PBK: variants seen among roughly 807,000 people sequenced by gnomAD.
PBK encodes the protein lymphokine-activated killer T-cell-originated protein kinase.
Under a neutral mutation model 33.5 loss-of-function variants are expected in PBK, and 22 were observed. That is an observed-to-expected ratio of 0.66 (90% CI 0.47 to 0.94). The LOEUF is 0.94. Among genes scored for constraint, PBK ranks in the 40% least tolerant of loss-of-function variants. PBK has a pLI of 0.00. For synonymous variants in PBK, 129 were observed against 123.8 expected, an observed-to-expected ratio of 1.04 and a Z score of -0.28; for missense variants, 376 against 383.4, an observed-to-expected ratio of 0.98 and a Z score of 0.16.
intron 6 of PBK, among the ~76,000 whole-genome samples, chr8:27,814,016 C>T (rs554593971): frequency 3.3e-5 from 5 of 152,122 alleles, no homozygotes; most frequent in East Asian, 3.9e-4. Flanking sequence ...ACATCAGGAC[C>T]GATAGGATGT....
In PBK at chr8:27,834,317, G is replaced by A. The variant is rs573289391; in HGVS notation, c.-20-1184C>T. Among the ~76,000 whole-genome samples, 85 of 152,114 alleles carry A rather than the reference G, an allele frequency of 5.6e-4. 1 individual carries two copies. The South Asian group carries it at 0.016, about 28-fold the overall frequency. On this transcript the variant is annotated intron_variant, in intron 1 of 7. Transcript: ENST00000301905. ...GCTGGGATTACAGGCATAAGCCACC[G>A]TGCCCGTCCAATGATCCCATTTTTA...
At position 27,809,887 on chromosome 8, in the gene PBK, CAA is replaced by C; in HGVS notation, c.*416_*417del. 1 of 156,892 alleles carries C rather than the reference CAA, an allele frequency of 6.4e-6. No individual in the cohort carries two copies. Among genetic ancestry groups the C allele is most frequent in the African/African-American group, 2.4e-5 (1 of 41,592 alleles). The allele number at this position is 156,892 out of a possible 1,614,324, so 9.7% of individuals were successfully genotyped here. On this transcript the variant is annotated 3_prime_UTR_variant, in exon 8 of 8. Transcript: ENST00000301905. ...AGTTATCATTTGATAAACACATCAGCAAAAGGTTCAGTGTTTTAAACAAATGT... is the reference window on the plus strand; with the variant it reads ...AGTTATCATTTGATAAACACATCAGCAAGGTTCAGTGTTTTAAACAAATGT...
rs1472492625 is a variant in PBK, at chr8:27,822,453, G to GA, written c.330dup (p.Leu111SerfsTer10). ...CCTCCATATTCCATAGCAAGACACAGACTGCCATCATTGGCTTCAGTAAAA... is the reference window on the plus strand; with the variant it reads ...CCTCCATATTCCATAGCAAGACACAGAACTGCCATCATTGGCTTCAGTAAAA... On this transcript the variant is annotated frameshift_variant, in exon 5 of 8. Transcript: ENST00000301905. LOFTEE classifies it high-confidence loss of function. 1.2e-6 allele frequency: 2 copies of GA among 1,610,132 alleles called. No homozygotes were observed. The highest frequency in any genetic ancestry group is 1.7e-5 in the Admixed American group (1 of 59,444).
At chr8:27,829,986 T>C (rs758936150) in intron 2 of PBK, among the ~76,000 whole-genome samples, 50 of 151,504 alleles carry the variant, frequency 3.3e-4, no homozygotes, top group Non-Finnish European at 6.0e-4. Context: ...GTGGATCACT[T>C]GAGGCCAGGA....
chr8:27,823,709 A>T (rs566374842), intron 3 of PBK, among the ~76,000 whole-genome samples: 11 of 152,196 alleles, frequency 7.2e-5, no homozygotes, highest in Middle Eastern at 3.4e-3. Flanking sequence ...CTTTTACCAC[A>T]TGCTCAAAGA....
At chr8:27,814,671 G>A (rs1805777283) in intron 6 of PBK, among the ~76,000 whole-genome samples, 1 of 152,032 alleles carries the variant, frequency 6.6e-6, no homozygotes, top group African/African-American at 2.4e-5. Context: ...CCCTGCTTTA[G>A]CTATTGCTTG....
At chr8:27,824,955 A>G (rs1293277254) in intron 3 of PBK, among the ~76,000 whole-genome samples, 2 of 152,232 alleles carry the variant, frequency 1.3e-5, no homozygotes, top group African/African-American at 4.8e-5. Context: ...TTAAAATTGT[A>G]GCTTAAACAT....
rs769346668 is a variant in PBK, at chr8:27,823,222, T to C, written c.153-17A>G. Reference sequence around the variant, plus strand: ...CTTGGAGATCTAAGAAAAAAATTCATTTAAAAAGGATAGAAAACAATAAAA... The same window carrying C: ...CTTGGAGATCTAAGAAAAAAATTCACTTAAAAAGGATAGAAAACAATAAAA... On this transcript the variant is annotated splice_polypyrimidine_tract_variant and intron_variant, in intron 3 of 7. Coordinates refer to ENST00000301905, the MANE Select transcript of PBK (RefSeq NM_018492.4). 1 of 1,464,160 alleles carries C rather than the reference T, an allele frequency of 6.8e-7. No homozygotes were observed. Among genetic ancestry groups the C allele is most frequent in the East Asian group, 2.4e-5 (1 of 42,544 alleles). The allele number at this position is 1,464,160 out of a possible 1,614,324, so 90.7% of individuals were successfully genotyped here. A position where few individuals can be genotyped will look rare whatever the true frequency, so the allele number is the denominator to read the frequency against.
At chr8:27,820,810 T>A in intron 5 of PBK, 116 bp from the exon 6 acceptor site, 1 of 552,818 alleles carries the variant, frequency 1.8e-6, no homozygotes, top group Non-Finnish European at 3.0e-6. Flanking sequence ...TTTACATTTG[T>A]CCAGCGTTTC....
intron 1 of PBK, among the ~76,000 whole-genome samples, chr8:27,834,500 T>A (rs945291089): frequency 6.6e-6 from 1 of 152,228 alleles, no homozygotes; most frequent in African/African-American, 2.4e-5. Flanking sequence ...AATATATTCA[T>A]CTCTGAGTAT....
intron 1 of PBK, among the ~76,000 whole-genome samples, chr8:27,833,509 CAA>C (rs112911608): frequency 6.8e-4 from 73 of 106,762 alleles, no homozygotes; most frequent in African/African-American, 1.7e-3. Flanking sequence ...AACTCCGTCT[CAA>C]AAAAAAAAAA....
chr8:27,814,374 T>C (rs924751916), intron 6 of PBK, among the ~76,000 whole-genome samples: 1 of 152,200 alleles, frequency 6.6e-6, no homozygotes, highest in African/African-American at 2.4e-5. Flanking sequence ...GAATTTACAA[T>C]AACCCTTTTC....
At chr8:27,834,653 G>A (rs1222608145) in intron 1 of PBK, among the ~76,000 whole-genome samples, 1 of 152,098 alleles carries the variant, frequency 6.6e-6, no homozygotes, top group Non-Finnish European at 1.5e-5. Flanking sequence ...CAGCACTTTG[G>A]GAGGCCAAGG....
Position 27,827,171 on chromosome 8 carries a change from C to T in PBK, c.152+934G>A, listed in dbSNP as rs116099100. ...AGGGTTGGACTAGTTAGACTGATTC[C>T]AAGAATGCATTAAGGAATATATATT... On this transcript the variant is annotated intron_variant, in intron 3 of 7. Coordinates refer to ENST00000301905, the MANE Select transcript of PBK (RefSeq NM_018492.4). 3.8e-3 allele frequency among the ~76,000 whole-genome samples: 578 copies of T among 152,176 alleles called. 4 individuals carry two copies. The highest frequency in any genetic ancestry group is 0.013 in the African/African-American group (557 of 41,520).
chr8:27,815,539 T>C (rs1182683343), intron 6 of PBK, among the ~76,000 whole-genome samples: 2 of 152,298 alleles, frequency 1.3e-5, no homozygotes, highest in East Asian at 1.9e-4. Context: ...GAAAAGCCTA[T>C]AGACATGGCC....
chr8:27,832,922 G>C, intron 2 of PBK, 134 bp downstream of exon 2: 1 of 590,724 alleles, frequency 1.7e-6, no homozygotes, highest in South Asian at 1.9e-5. Flanking sequence ...TATTTGTTAA[G>C]ATTAACATCA....
At chr8:27,815,905 T>G (rs1288008120) in intron 6 of PBK, among the ~76,000 whole-genome samples, 1 of 152,236 alleles carries the variant, frequency 6.6e-6, no homozygotes, top group Non-Finnish European at 1.5e-5. Flanking sequence ...AACAAAAGTT[T>G]GATGAGATCA....
intron 6 of PBK, chr8:27,812,406 T>G (rs1000815622): frequency 6.6e-6 from 1 of 152,086 alleles, no homozygotes; most frequent in African/African-American, 2.4e-5. Flanking sequence ...ATTCAGGACA[T>G]AGGCATGGGC....
chr8:27,830,233 A>G (rs12335196), intron 2 of PBK, among the ~76,000 whole-genome samples: 21,548 of 147,812 alleles, frequency 0.15, 2,094 homozygotes, highest in East Asian at 0.35. Context: ...AAATGACAGG[A>G]ATGGCAAAAT....
Sources: gnomAD v4.1 joint callset for allele counts (sites outside exome capture counted in the v4.1 genomes callset) on GRCh38, gnomAD v4.1.1 for gene constraint, MANE v1.5 for transcripts, NCBI Gene and HGNC (gene_info 2026-07-23, HGNC 2026-07-21) for gene names.